Variants in ARHGAP10 observed in about 807,000 individuals in gnomAD.
ARHGAP10 encodes the protein rho GTPase-activating protein 10.
Under a neutral mutation model 108.6 loss-of-function variants are expected in ARHGAP10, and 87 were observed. The ratio of observed to expected loss-of-function variants is 0.80; its 90% CI spans 0.67 to 0.96. ARHGAP10 has a LOEUF of 0.96. Ranked by LOEUF, ARHGAP10 falls within the 40% of genes least tolerant of loss-of-function variation. The pLI, the probability that ARHGAP10 is intolerant of heterozygous loss-of-function variation, is 0.00. For synonymous variants in ARHGAP10, 347 were observed against 341.1 expected, an observed-to-expected ratio of 1.02 and a Z score of -0.19; for missense variants, 939 against 954.5, an observed-to-expected ratio of 0.98 and a Z score of 0.21.
chr4:147,961,424 A>T (rs2126991747), intron 16 of ARHGAP10, among the ~76,000 whole-genome samples: 1 of 152,184 alleles, frequency 6.6e-6, no homozygotes, highest in South Asian at 2.1e-4. Flanking sequence ...AGTTCTTTCT[A>T]ATCTGATTGC....
At chr4:147,918,970 CA>C (rs1358750583) in intron 13 of ARHGAP10, among the ~76,000 whole-genome samples, 2 of 152,222 alleles carry the variant, frequency 1.3e-5, no homozygotes, top group African/African-American at 2.4e-5. Flanking sequence ...TTAGAAATTA[CA>C]TAAGATTGGA....
intron 13 of ARHGAP10, among the ~76,000 whole-genome samples, chr4:147,922,803 T>G (rs538696752): frequency 1.3e-5 from 2 of 152,376 alleles, no homozygotes; most frequent in South Asian, 2.1e-4. Context: ...CTTCATTTCC[T>G]TCTTCATCCT....
At chr4:147,984,428 G>T (rs1159116269) in intron 18 of ARHGAP10, among the ~76,000 whole-genome samples, 1 of 152,248 alleles carries the variant, frequency 6.6e-6, no homozygotes, top group East Asian at 1.9e-4. Flanking sequence ...TTCCAGGGCT[G>T]TGGTGGTGCC....
intron 19 of ARHGAP10, among the ~76,000 whole-genome samples, chr4:148,027,019 T>C (rs1262427378): frequency 1.3e-4 from 20 of 152,192 alleles, no homozygotes; most frequent in Admixed American, 1.3e-3. Context: ...TTTATTGTAA[T>C]TCCCCCAAAT....
chr4:147,976,211 C>T (rs1451306855), intron 18 of ARHGAP10, among the ~76,000 whole-genome samples: 2 of 152,158 alleles, frequency 1.3e-5, no homozygotes, highest in African/African-American at 4.8e-5. Flanking sequence ...GCATGCTTGC[C>T]ATTTAATGGG....
At chr4:147,937,560 G>A (rs140377296) in intron 13 of ARHGAP10, among the ~76,000 whole-genome samples, 4 of 152,100 alleles carry the variant, frequency 2.6e-5, no homozygotes, top group African/African-American at 4.8e-5. Context: ...ATTCCTTTGG[G>A]TATATACCCA....
intron 3 of ARHGAP10, among the ~76,000 whole-genome samples, chr4:147,823,991 A>C (rs1045300764): frequency 2.0e-5 from 3 of 152,148 alleles, no homozygotes; most frequent in African/African-American, 7.2e-5. Flanking sequence ...GTGACACACC[A>C]TCTATTCTCA....
chr4:148,006,919 A>G (rs1357507168), intron 18 of ARHGAP10, among the ~76,000 whole-genome samples: 1 of 152,168 alleles, frequency 6.6e-6, no homozygotes, highest in Admixed American at 6.5e-5. Context: ...TGCTTTGCTT[A>G]TCAGTGGACC....
At chr4:147,909,006 A>C (rs1736621101) in intron 11 of ARHGAP10, among the ~76,000 whole-genome samples, 1 of 152,178 alleles carries the variant, frequency 6.6e-6, no homozygotes, top group African/African-American at 2.4e-5. Flanking sequence ...CCACATGTTT[A>C]GAGCTCACTC....
chr4:147,738,864 A>G (rs183128693), intron 1 of ARHGAP10, among the ~76,000 whole-genome samples: 1 of 152,220 alleles, frequency 6.6e-6, no homozygotes, highest in East Asian at 1.9e-4. Flanking sequence ...TTTTGATTGT[A>G]GTTCGGGATG....
chr4:147,944,107 C>T (rs537010676), intron 14 of ARHGAP10, among the ~76,000 whole-genome samples: 93 of 152,214 alleles, frequency 6.1e-4, no homozygotes, highest in South Asian at 1.2e-3. Context: ...TATGTTAAAA[C>T]GAGATTTAAA....
At chr4:147,846,954 C>A (rs1181442241) in intron 3 of ARHGAP10, among the ~76,000 whole-genome samples, 197 bp from the exon 4 acceptor site, 1 of 152,134 alleles carries the variant, frequency 6.6e-6, no homozygotes, top group Non-Finnish European at 1.5e-5. Flanking sequence ...ACCTCCTCTT[C>A]CCTGAAAATA....
intron 1 of ARHGAP10, among the ~76,000 whole-genome samples, chr4:147,800,074 G>A (rs190692331): frequency 6.6e-6 from 1 of 152,270 alleles, no homozygotes; most frequent in East Asian, 1.9e-4. Flanking sequence ...TTGTCTGCTT[G>A]GTGGTTAGAT....
intron 1 of ARHGAP10, among the ~76,000 whole-genome samples, chr4:147,813,841 A>G (rs1027517211): frequency 2.6e-5 from 4 of 152,204 alleles, no homozygotes; most frequent in African/African-American, 9.7e-5. Context: ...TAGCATATGT[A>G]GTCCTTTCCT....
At chr4:148,047,091 G>A in intron 20 of ARHGAP10, 40 bp downstream of exon 20, 2 of 1,604,266 alleles carry the variant, frequency 1.2e-6, no homozygotes, top group East Asian at 2.2e-5. Context: ...AAGGGTGGAA[G>A]CCCTGACTTT....
intron 10 of ARHGAP10, among the ~76,000 whole-genome samples, chr4:147,892,252 T>C (rs1056421217): frequency 6.6e-6 from 1 of 152,224 alleles, no homozygotes; most frequent in Non-Finnish European, 1.5e-5. Context: ...CCAGCAACTT[T>C]ATTTAGTATC....
At chr4:147,906,545 G>GC in intron 10 of ARHGAP10, 93 bp from the exon 11 acceptor site, 2 of 836,412 alleles carry the variant, frequency 2.4e-6, no homozygotes, top group South Asian at 3.4e-5. Context: ...ACAGATAAAA[G>GC]TAAAAAAAAA....
At chr4:147,938,867 A>AT (rs1395207203) in intron 13 of ARHGAP10, among the ~76,000 whole-genome samples, 2 of 152,186 alleles carry the variant, frequency 1.3e-5, no homozygotes, top group African/African-American at 4.8e-5. Flanking sequence ...TATAAGTCAC[A>AT]TTTTTTGGAA....
chr4:147,993,343 G>A (rs910262867), intron 18 of ARHGAP10, among the ~76,000 whole-genome samples: 3 of 152,052 alleles, frequency 2.0e-5, no homozygotes, highest in African/African-American at 7.2e-5. Flanking sequence ...TAATTGATTC[G>A]GCTAGGTGAT....
Sources: allele counts gnomAD v4.1 joint callset (sites outside exome capture counted in the v4.1 genomes callset), GRCh38; gene constraint gnomAD v4.1.1; transcripts MANE v1.5; gene names NCBI Gene and HGNC (gene_info 2026-07-23, HGNC 2026-07-21).